The following CELF4 variants were observed in gnomAD, a reference collection of about 807,000 sequenced individuals.
CELF4 encodes the protein CUGBP Elav-like family member 4.
CELF4 carries 18 observed loss-of-function variants against 59.9 expected under a neutral mutation model. The ratio of observed to expected loss-of-function variants is 0.30; its 90% CI spans 0.21 to 0.45. The LOEUF (loss-of-function observed/expected upper bound fraction) is 0.45. CELF4 is among the 20% of genes least tolerant of loss of function. The pLI is 1.00. For missense variants in CELF4, 456 were observed against 689.0 expected, an observed-to-expected ratio of 0.66 and a Z score of 3.79; for synonymous variants, 261 against 267.1, an observed-to-expected ratio of 0.98 and a Z score of 0.22.
chr18:37,524,778 G>C (rs867509086), intron 1 of CELF4, among the ~76,000 whole-genome samples: 2 of 152,158 alleles, frequency 1.3e-5, no homozygotes, highest in Non-Finnish European at 2.9e-5. Flanking sequence ...GCCGCAGGCC[G>C]CTGGGGTGCG....
At chr18:37,445,294 G>T (rs1230499787) in intron 2 of CELF4, among the ~76,000 whole-genome samples, 1 of 151,994 alleles carries the variant, frequency 6.6e-6, no homozygotes, top group Non-Finnish European at 1.5e-5. Flanking sequence ...CAGAGAGCGC[G>T]GCCAGGGTCT....
chr18:37,500,905 C>T (rs1281601897), intron 1 of CELF4, among the ~76,000 whole-genome samples: 6 of 152,138 alleles, frequency 3.9e-5, no homozygotes, highest in African/African-American at 1.2e-4. Context: ...GGCTGAAGCA[C>T]GTAGGGTGAG....
intron 1 of CELF4, among the ~76,000 whole-genome samples, chr18:37,492,349 A>G (rs2099908641): frequency 6.6e-6 from 1 of 152,026 alleles, no homozygotes; most frequent in Admixed American, 6.6e-5. Flanking sequence ...AGTGGTCCTC[A>G]CCCCCGGCTG....
chr18:37,538,669 T>A (rs1480416319), intron 1 of CELF4, among the ~76,000 whole-genome samples: 1 of 152,212 alleles, frequency 6.6e-6, no homozygotes, highest in Non-Finnish European at 1.5e-5. Context: ...GCTTGTGGGT[T>A]GGTCTCATTC....
In CELF4 at chr18:37,409,219, C is replaced by G. The variant is rs183390978; in HGVS notation, c.369+76306G>C. ...AGCTTTCTGGGAGGACTGACCAAAACCTGGAATGGGTTTGGTGCCTCTTGC... is the reference window on the plus strand; with the variant it reads ...AGCTTTCTGGGAGGACTGACCAAAAGCTGGAATGGGTTTGGTGCCTCTTGC... On this transcript the variant is annotated intron_variant, in intron 2 of 12. Coordinates refer to ENST00000420428, the MANE Select transcript of CELF4 (RefSeq NM_020180.4). 2.6e-5 allele frequency among the ~76,000 whole-genome samples: 4 copies of G among 152,340 alleles called. No homozygotes were observed. In the East Asian group the frequency reaches 7.7e-4, roughly 29 times the overall value.
chr18:37,485,666 C>G (rs2099879688), intron 1 of CELF4, 59 bp from the exon 2 acceptor site: 2 of 1,134,634 alleles, frequency 1.8e-6, no homozygotes, highest in South Asian at 2.5e-5. Flanking sequence ...CCCGCCGACG[C>G]GCCCTGCCGC....
chr18:37,272,678 A>G (rs931648058), intron 7 of CELF4, among the ~76,000 whole-genome samples: 2 of 151,850 alleles, frequency 1.3e-5, no homozygotes, highest in Non-Finnish European at 2.9e-5. Context: ...CTCATCATAG[A>G]CACCACAGGG....
In CELF4 at chr18:37,323,669, C is replaced by T. The variant is rs1208322321; in HGVS notation, c.370-1788G>A. 3.3e-5 allele frequency among the ~76,000 whole-genome samples: 5 copies of T among 152,182 alleles called. No homozygotes were observed. The East Asian group carries it at 7.7e-4, about 23-fold the overall frequency. ...TCCCTTCCCTGAAACCTGTAGCATT[C>T]TTCTCCCCCAAACAGGTCTTAAGGA... is the stretch of plus-strand genomic sequence containing the variant. On this transcript the variant is annotated intron_variant, in intron 2 of 12. Coordinates refer to ENST00000420428, the MANE Select transcript of CELF4 (RefSeq NM_020180.4).
chr18:37,328,756 T>G (rs759623225), intron 2 of CELF4, among the ~76,000 whole-genome samples: 23 of 152,148 alleles, frequency 1.5e-4, no homozygotes, highest in Non-Finnish European at 3.1e-4. Context: ...TTTTATGCTC[T>G]GCCCTCCAAC....
intron 2 of CELF4, among the ~76,000 whole-genome samples, chr18:37,376,030 A>G (rs1165291551): frequency 6.6e-6 from 1 of 152,188 alleles, no homozygotes; most frequent in Non-Finnish European, 1.5e-5. Flanking sequence ...TGCAATGGAA[A>G]GTAATCAATT....
chr18:37,380,822 T>TC (rs370013097), intron 2 of CELF4, among the ~76,000 whole-genome samples: 39 of 143,462 alleles, frequency 2.7e-4, no homozygotes, highest in East Asian at 6.5e-4. Context: ...CATCCATCCA[T>TC]CATCTATCCT....
chr18:37,299,044 C>T (rs111242947), intron 3 of CELF4, among the ~76,000 whole-genome samples: 2 of 152,308 alleles, frequency 1.3e-5, no homozygotes, highest in African/African-American at 2.4e-5. Flanking sequence ...GCTTCAGTTC[C>T]CCAAAGGGAT....
At chr18:37,544,698 AGACAT>A (rs1317151457) in intron 1 of CELF4, among the ~76,000 whole-genome samples, 2 of 152,290 alleles carry the variant, frequency 1.3e-5, no homozygotes, top group East Asian at 3.9e-4. Flanking sequence ...CAAGTGGGGA[AGACAT>A]GTCTGTTATG....
At chr18:37,339,809 C>T (rs149648039) in intron 2 of CELF4, among the ~76,000 whole-genome samples, 64 of 149,708 alleles carry the variant, frequency 4.3e-4, no homozygotes, top group African/African-American at 1.2e-3. Context: ...CGTGTGTAGA[C>T]GCATGGTCAT....
chr18:37,285,114 A>G (rs1320241999), intron 3 of CELF4, among the ~76,000 whole-genome samples: 1 of 152,200 alleles, frequency 6.6e-6, no homozygotes, highest in Non-Finnish European at 1.5e-5. Context: ...TGGGGCACCC[A>G]TAGCCTGCTG....
chr18:37,498,688 C>T (rs2099928009), intron 1 of CELF4, among the ~76,000 whole-genome samples: 1 of 152,128 alleles, frequency 6.6e-6, no homozygotes, highest in African/African-American at 2.4e-5. Context: ...TGTCACCAGC[C>T]AGCTGGTGAC....
At chr18:37,409,883 A>T (rs1312550944) in intron 2 of CELF4, among the ~76,000 whole-genome samples, 2 of 152,214 alleles carry the variant, frequency 1.3e-5, no homozygotes, top group African/African-American at 2.4e-5. Flanking sequence ...GGGGCACTGC[A>T]GACAGAGTTT....
chr18:37,367,571 G>T (rs762236034), intron 2 of CELF4, among the ~76,000 whole-genome samples: 1 of 152,156 alleles, frequency 6.6e-6, no homozygotes, highest in African/African-American at 2.4e-5. Flanking sequence ...ATGAGATCTG[G>T]TGTTGGGTGC....
At chr18:37,560,613 A>G (rs55726249) in intron 1 of CELF4, among the ~76,000 whole-genome samples, 10,137 of 152,308 alleles carry the variant, frequency 0.067, 450 homozygotes, top group East Asian at 0.2. Context: ...GTGTGTACCT[A>G]GCCATTCTGC....
Sources: gnomAD v4.1 joint callset for allele counts (sites outside exome capture counted in the v4.1 genomes callset) on GRCh38, gnomAD v4.1.1 for gene constraint, MANE v1.5 for transcripts, NCBI Gene and HGNC (gene_info 2026-07-23, HGNC 2026-07-21) for gene names.